Variants in NRIP1 observed in about 807,000 individuals in gnomAD.
The protein encoded by NRIP1 is nuclear receptor-interacting protein 1.
NRIP1 carries 28 observed loss-of-function variants against 75.0 expected under a neutral mutation model. The ratio of observed to expected loss-of-function variants is 0.37; its 90% CI spans 0.28 to 0.51. The LOEUF (loss-of-function observed/expected upper bound fraction) is 0.51. Ranked by LOEUF, NRIP1 falls within the 20% of genes least tolerant of loss-of-function variation. The pLI, the probability that NRIP1 is intolerant of heterozygous loss-of-function variation, is 0.92. For synonymous variants in NRIP1, 526 were observed against 487.6 expected (o/e 1.08, Z -1.04); for missense variants, 1,435 against 1,343.7 (o/e 1.07, Z -1.06).
In NRIP1 at chr21:14,967,388, G is replaced by T. The variant is rs773956783; in HGVS notation, c.805C>A (p.Leu269Ile). 1 of 1,614,152 alleles carries T rather than the reference G, an allele frequency of 6.2e-7. No individual in the cohort carries two copies. Among genetic ancestry groups the T allele is most frequent in the Admixed American group, 1.7e-5 (1 of 60,014 alleles). ...TGCAAATGGGCTTCGCTTGACAGAA[G>T]TAATGCTAACTGGCTACAAGCAACA... ...PSVACSQLAL[L>I]LSSEAHLQQY... Residue 269 changes from leucine to isoleucine, a missense_variant, in exon 4 of 4, where the codon CTT becomes ATT. Transcript: ENST00000318948.
At chr21:14,982,660 T>C (rs1431318368) in intron 3 of NRIP1, among the ~76,000 whole-genome samples, 2 of 152,174 alleles carry the variant, frequency 1.3e-5, no homozygotes, top group East Asian at 1.9e-4. Flanking sequence ...CGTCATTTTA[T>C]TGTGCTTTGC....
intron 2 of NRIP1, among the ~76,000 whole-genome samples, chr21:15,017,148 A>T (rs1463596487): frequency 6.6e-6 from 1 of 152,166 alleles, no homozygotes; most frequent in African/African-American, 2.4e-5. Context: ...ACAAACTGGC[A>T]TATTCTATAA....
At chr21:14,996,510 A>G (rs993599170) in intron 3 of NRIP1, among the ~76,000 whole-genome samples, 1 of 151,902 alleles carries the variant, frequency 6.6e-6, no homozygotes, top group African/African-American at 2.4e-5. Context: ...CAATGACTTT[A>G]GGCAAACAGT....
chr21:15,030,792 T>TA (rs1445943055), intron 2 of NRIP1, among the ~76,000 whole-genome samples: 1 of 151,362 alleles, frequency 6.6e-6, no homozygotes, highest in African/African-American at 2.4e-5. Context: ...TGATTTAAGT[T>TA]AAAATAGATC....
chr21:15,035,018 T>C (rs1400436875), intron 2 of NRIP1, among the ~76,000 whole-genome samples: 6 of 152,196 alleles, frequency 3.9e-5, no homozygotes. Context: ...TGATGTAAGA[T>C]GTATCCTCAT....
At chr21:15,043,153 T>C (rs1011324822) in intron 2 of NRIP1, among the ~76,000 whole-genome samples, 1 of 152,222 alleles carries the variant, frequency 6.6e-6, no homozygotes, top group Non-Finnish European at 1.5e-5. Flanking sequence ...GTTTCAGGTA[T>C]ACTTCACACT....
chr21:15,057,434 G>A (rs551530064), intron 1 of NRIP1, among the ~76,000 whole-genome samples: 7 of 152,168 alleles, frequency 4.6e-5, no homozygotes, highest in East Asian at 1.9e-4. Flanking sequence ...GAGCCTGTGC[G>A]GCAGCCCTTG....
intron 3 of NRIP1, among the ~76,000 whole-genome samples, chr21:14,982,947 C>T (rs189389048): frequency 4.8e-4 from 73 of 152,128 alleles, no homozygotes; most frequent in African/African-American, 1.6e-3. Flanking sequence ...CATATCACAG[C>T]ATACTTAATA....
intron 3 of NRIP1, chr21:15,002,289 C>T (rs1326660744): frequency 1.3e-5 from 2 of 152,160 alleles, no homozygotes; most frequent in East Asian, 3.9e-4. Context: ...TTTCTTTCTC[C>T]TTTGCCTTGA....
At chr21:14,969,594 A>G (rs1338595670) in intron 3 of NRIP1, among the ~76,000 whole-genome samples, 1 of 152,226 alleles carries the variant, frequency 6.6e-6, no homozygotes, top group Non-Finnish European at 1.5e-5. Flanking sequence ...AAGCTGGAAT[A>G]AATTCCATGC....
intron 3 of NRIP1, chr21:14,992,514 A>C (rs1205487702): frequency 1.3e-5 from 2 of 152,160 alleles, no homozygotes; most frequent in Non-Finnish European, 2.9e-5. Flanking sequence ...TAAAATAAAA[A>C]ACTTAAACTA....
At chr21:15,012,946 T>C (rs2088144044) in intron 3 of NRIP1, among the ~76,000 whole-genome samples, 1 of 152,100 alleles carries the variant, frequency 6.6e-6, no homozygotes, top group African/African-American at 2.4e-5. Context: ...AACAAACCAA[T>C]TATATCTTGT....
At chr21:15,053,019 C>T (rs954495825) in intron 1 of NRIP1, among the ~76,000 whole-genome samples, 2 of 152,324 alleles carry the variant, frequency 1.3e-5, no homozygotes, top group Admixed American at 1.3e-4. Context: ...CTTTTGTTGA[C>T]TGCCCAAAGG....
At chr21:15,058,004 T>A (rs1046164788) in intron 1 of NRIP1, among the ~76,000 whole-genome samples, 15 of 152,276 alleles carry the variant, frequency 9.9e-5, no homozygotes, top group African/African-American at 3.6e-4. Context: ...CCCAATCATC[T>A]CTTCTTCTTT....
intron 3 of NRIP1, among the ~76,000 whole-genome samples, chr21:14,982,700 TTTTTTTTG>T (rs771269248): frequency 0.22 from 27,416 of 123,822 alleles, 2,830 homozygotes; most frequent in East Asian, 0.49. Flanking sequence ...ATTGTGGGGT[TTTTTTTTG>T]TTTTTTTTTT....
intron 2 of NRIP1, among the ~76,000 whole-genome samples, chr21:15,031,038 C>T (rs560556740): frequency 3.7e-4 from 43 of 116,296 alleles, no homozygotes; most frequent in African/African-American, 1.2e-3. Flanking sequence ...CTCTGGAAGG[C>T]GGTTGGAGGT....
chr21:14,999,829 C>T (rs1285954482), intron 3 of NRIP1, among the ~76,000 whole-genome samples: 1 of 152,154 alleles, frequency 6.6e-6, no homozygotes, highest in African/African-American at 2.4e-5. Context: ...CATTTCATGG[C>T]TTAAATTAAT....
intron 3 of NRIP1, among the ~76,000 whole-genome samples, chr21:15,006,571 G>A (rs906537182): frequency 6.6e-6 from 1 of 152,170 alleles, no homozygotes; most frequent in African/African-American, 2.4e-5. Flanking sequence ...GTCATGATTA[G>A]TTCTAAAGAG....
In NRIP1 at chr21:15,064,861, A is replaced by T. The variant is rs991465857; in HGVS notation, c.-654T>A. 1 of 147,842 alleles carries T rather than the reference A, an allele frequency of 6.8e-6. No homozygotes were observed. Among genetic ancestry groups the T allele is most frequent in the Non-Finnish European group, 1.5e-5 (1 of 66,418 alleles). 9.2% of individuals were successfully genotyped at this position (147,842 alleles called of 1,614,324 possible). A position where few individuals can be genotyped will look rare whatever the true frequency, so the allele number is the denominator to read the frequency against. On this transcript the variant is annotated 5_prime_UTR_variant, in exon 1 of 4. Transcript: ENST00000318948. ...CTCTTCCCTCCGACCAGCGGCGCTCACGGCGCAGCGGCGGACGCGAGGCCA... is the reference window on the plus strand; with the variant it reads ...CTCTTCCCTCCGACCAGCGGCGCTCTCGGCGCAGCGGCGGACGCGAGGCCA...
Sources: allele counts gnomAD v4.1 joint callset (sites outside exome capture counted in the v4.1 genomes callset), GRCh38; gene constraint gnomAD v4.1.1; transcripts MANE v1.5; gene names NCBI Gene and HGNC (gene_info 2026-07-23, HGNC 2026-07-21).